Variants in TMX4 observed in about 807,000 individuals in gnomAD.
TMX4 encodes the protein thioredoxin-related transmembrane protein 4.
Under a neutral mutation model 33.3 loss-of-function variants are expected in TMX4, and 23 were observed. That is an observed-to-expected ratio of 0.69 (90% CI 0.50 to 0.98). The LOEUF (loss-of-function observed/expected upper bound fraction) is 0.98, where lower values mean the gene tolerates loss of function less well. TMX4 is among the 50% of genes least tolerant of loss of function. The pLI, the probability that TMX4 is intolerant of heterozygous loss-of-function variation, is 0.00. For missense variants in TMX4, 399 were observed against 448.9 expected, an observed-to-expected ratio of 0.89 and a Z score of 1.01; for synonymous variants, 164 against 161.5, an observed-to-expected ratio of 1.02 and a Z score of -0.12.
rs1485594934 is a variant in TMX4 at position 7,978,033 on chromosome 20, A to G, written c.*4218T>C. The G allele has an allele frequency of 6.6e-6, 1 of 152,238 alleles. No individual in the cohort carries two copies. Among genetic ancestry groups the G allele is most frequent in the Non-Finnish European group, 1.5e-5 (1 of 68,038 alleles). 9.4% of individuals were successfully genotyped at this position (152,238 alleles called of 1,614,324 possible). ...GACAAGCTAAAATCTCCTCCAGAGA[A>G]TCAAAATGTAGGACTGAGGTAAAGA... On this transcript the variant is annotated 3_prime_UTR_variant, in exon 8 of 8. Transcript: ENST00000246024.
chr20:8,004,854 A>C (rs958201639), intron 2 of TMX4, among the ~76,000 whole-genome samples: 2 of 152,216 alleles, frequency 1.3e-5, no homozygotes, highest in African/African-American at 2.4e-5. Flanking sequence ...AGAGATAAAC[A>C]GTTTGTTCTT....
chr20:8,010,072 TG>T (rs918013965), intron 2 of TMX4, 127 bp downstream of exon 2: 11 of 630,954 alleles, frequency 1.7e-5, no homozygotes, highest in Non-Finnish European at 3.0e-5. Context: ...AAATGTAATC[TG>T]CTACTTAAAG....
chr20:8,006,153 G>C (rs139161731), intron 2 of TMX4, among the ~76,000 whole-genome samples: 1 of 139,580 alleles, frequency 7.2e-6, no homozygotes, highest in Non-Finnish European at 1.5e-5. Flanking sequence ...CAGCCTGCCC[G>C]TCTGCATGTC....
intron 3 of TMX4, among the ~76,000 whole-genome samples, 170 bp from the exon 4 acceptor site, chr20:8,000,030 TATAA>T (rs1325154506): frequency 3.3e-5 from 5 of 152,192 alleles, no homozygotes; most frequent in African/African-American, 1.2e-4. Flanking sequence ...TAAGCTTTAC[TATAA>T]GTGAGAAATT....
At chr20:8,015,297 G>C (rs529020595) in intron 1 of TMX4, among the ~76,000 whole-genome samples, 1 of 152,246 alleles carries the variant, frequency 6.6e-6, no homozygotes, top group Non-Finnish European at 1.5e-5. Flanking sequence ...GAAGCATTTG[G>C]AAGTATGCAC....
intron 4 of TMX4, among the ~76,000 whole-genome samples, chr20:7,997,030 G>A (rs1001295886): frequency 6.6e-6 from 1 of 152,108 alleles, no homozygotes; most frequent in Admixed American, 6.6e-5. Flanking sequence ...AGTAACATGG[G>A]ATACAAGAGA....
chr20:8,009,242 A>G (rs929464537), intron 2 of TMX4, among the ~76,000 whole-genome samples: 1 of 152,142 alleles, frequency 6.6e-6, no homozygotes, highest in Non-Finnish European at 1.5e-5. Flanking sequence ...AATTTATTGT[A>G]TATATCTTTT....
At chr20:7,995,158 C>T (rs533151391) in intron 5 of TMX4, among the ~76,000 whole-genome samples, 1 of 152,018 alleles carries the variant, frequency 6.6e-6, no homozygotes, top group East Asian at 1.9e-4. Context: ...GTATGAGAAA[C>T]AGAAAAAGAG....
chr20:7,990,904 G>A (rs1230056740), intron 5 of TMX4, among the ~76,000 whole-genome samples: 1 of 152,138 alleles, frequency 6.6e-6, no homozygotes, highest in African/African-American at 2.4e-5. Flanking sequence ...GCCTCTTGTA[G>A]GATCTATGAA....
chr20:7,996,682 C>T (rs2050677903), intron 4 of TMX4, among the ~76,000 whole-genome samples: 1 of 152,112 alleles, frequency 6.6e-6, no homozygotes. Flanking sequence ...GGATCCTATC[C>T]ATTTTGTCTT....
chr20:7,997,335 T>C (rs768606740), intron 4 of TMX4, among the ~76,000 whole-genome samples: 6 of 152,124 alleles, frequency 3.9e-5, no homozygotes, highest in Non-Finnish European at 7.3e-5. Context: ...CCAAATCGTA[T>C]GTTCAATTTG....
Position 7,999,015 on chromosome 20 carries a change from T to C in TMX4, c.467+717A>G, listed in dbSNP as rs111747738. On this transcript the variant is annotated intron_variant, in intron 4 of 7. Transcript: ENST00000246024. Reference sequence around the variant, plus strand: ...AATCAGTGCTCAAATGGTTGTAGAATGAAATGTGAGAGTTGTTTTTAGAGT... The same window carrying C: ...AATCAGTGCTCAAATGGTTGTAGAACGAAATGTGAGAGTTGTTTTTAGAGT... 3.3e-3 allele frequency among the ~76,000 whole-genome samples: 509 copies of C among 152,332 alleles called. 4 individuals are homozygous for C. The highest frequency in any genetic ancestry group is 0.011 in the African/African-American group (470 of 41,562).
At chr20:8,004,868 A>C (rs1488030726) in intron 2 of TMX4, among the ~76,000 whole-genome samples, 2 of 152,206 alleles carry the variant, frequency 1.3e-5, no homozygotes, top group Admixed American at 6.5e-5. Context: ...TGTTCTTCAC[A>C]GGGTTGTTAT....
intron 1 of TMX4, among the ~76,000 whole-genome samples, chr20:8,013,602 C>T (rs569260607): frequency 2.1e-4 from 32 of 152,128 alleles, no homozygotes; most frequent in Middle Eastern, 3.4e-3. Context: ...CCATGTTGTC[C>T]GTGTTTTGTT....
chr20:7,996,115 T>A, intron 4 of TMX4, 44 bp from the exon 5 acceptor site: 2 of 1,362,874 alleles, frequency 1.5e-6, no homozygotes, highest in African/African-American at 1.5e-5. Context: ...ATATATACTA[T>A]AAAAAAAAAA....
Position 7,982,376 on chromosome 20 carries a change from G to C in TMX4, c.925C>G (p.Arg309Gly), listed in dbSNP as rs144787670. The part of the protein sequence containing the change: ...QGPPGEDGVT[R>G]EEVEPEEAEE... ...GCCTCCTCAGGCTCTACTTCCTCCC[G>C]GGTCACACCGTCCTCTCCTGGGGGC... The change falls in exon 8 of 8, where the codon CGG becomes GGG. Residue 309 changes from arginine (R) to glycine (G), a missense_variant. Arg to Gly is a moderately radical substitution (Grantham distance 125). Transcript: ENST00000246024. The C allele has an allele frequency of 1.2e-6, 2 of 1,613,916 alleles. No individual in the cohort carries two copies. The highest frequency in any genetic ancestry group is 1.7e-6 in the Non-Finnish European group (2 of 1,179,988).
intron 6 of TMX4, among the ~76,000 whole-genome samples, chr20:7,986,080 G>T (rs745546680): frequency 2.0e-5 from 3 of 152,062 alleles, no homozygotes; most frequent in African/African-American, 7.2e-5. Flanking sequence ...GAAAAATCTC[G>T]CACCAGACAA....
At chr20:7,982,717 A>C in intron 7 of TMX4, 96 bp from the exon 8 acceptor site, 2 of 1,366,372 alleles carry the variant, frequency 1.5e-6, no homozygotes, top group East Asian at 4.6e-5. Flanking sequence ...ATAGAGGGTA[A>C]GTGACAGTTT....
chr20:8,014,499 G>C (rs1336174732), intron 1 of TMX4, among the ~76,000 whole-genome samples: 5 of 152,132 alleles, frequency 3.3e-5, no homozygotes, highest in African/African-American at 1.2e-4. Context: ...TAAAGCTTTG[G>C]AGATAAACAG....
Sources: allele counts gnomAD v4.1 joint callset (sites outside exome capture counted in the v4.1 genomes callset), GRCh38; gene constraint gnomAD v4.1.1; transcripts MANE v1.5; gene names NCBI Gene and HGNC (gene_info 2026-07-23, HGNC 2026-07-21).